Variants in DCP2 observed in about 807,000 individuals in gnomAD.
The protein encoded by DCP2 is m7GpppN-mRNA hydrolase.
In DCP2, 30 loss-of-function variants were observed where a neutral mutation model predicts 56.1. The observed-to-expected ratio is 0.53, with a 90% CI of 0.40 to 0.73. The LOEUF is 0.73. DCP2 is among the 30% of genes least tolerant of loss of function. The pLI is 0.00. For synonymous variants in DCP2, 197 were observed against 163.3 expected, an observed-to-expected ratio of 1.21 and a Z score of -1.57; for missense variants, 533 against 502.7, an observed-to-expected ratio of 1.06 and a Z score of -0.58.
Position 112,976,850 on chromosome 5 carries a change from C to T in DCP2, c.-84C>T, listed in dbSNP as rs1240346569. 6 of 1,453,934 alleles carry T rather than the reference C, an allele frequency of 4.1e-6. No individual in the cohort carries two copies. The African/African-American group carries it at 7.0e-5, about 17-fold the overall frequency. The allele number at this position is 1,453,934 out of a possible 1,614,324, so 90.1% of individuals were successfully genotyped here. A position where few individuals can be genotyped will look rare whatever the true frequency, so the allele number is the denominator to read the frequency against. On this transcript the variant is annotated 5_prime_UTR_variant, in exon 1 of 11. Transcript: ENST00000389063. ...GCGGCTTCCTCGGCTGCCAGCTCTCCGGCGAGCCGGAGTCCTAGTGCCGTA... is the reference window on the plus strand; with the variant it reads ...GCGGCTTCCTCGGCTGCCAGCTCTCTGGCGAGCCGGAGTCCTAGTGCCGTA...
intron 1 of DCP2, among the ~76,000 whole-genome samples, chr5:112,984,964 A>G (rs1181047978): frequency 2.6e-5 from 4 of 151,766 alleles, no homozygotes; most frequent in Non-Finnish European, 5.9e-5. Context: ...AGAATTATTT[A>G]CTATGATAGT....
intron 2 of DCP2, among the ~76,000 whole-genome samples, chr5:112,987,245 G>A (rs1748332027): frequency 6.6e-6 from 1 of 152,122 alleles, no homozygotes; most frequent in Non-Finnish European, 1.5e-5. Flanking sequence ...GGGAATATAG[G>A]ATTTTCTCAG....
chr5:113,013,334 C>G lies in DCP2; in HGVS notation c.1113C>G (p.Asp371Glu), dbSNP rs761214078. The change falls in exon 11 of 11, where the codon GAC becomes GAG. Residue 371 changes from aspartate to glutamate, a missense_variant. Around this residue, in one of 3 missense-constraint regions of DCP2, gnomAD observed 392 missense variants for 346.6 expected, o/e 1.13. Coordinates refer to ENST00000389063, the MANE Select transcript of DCP2 (RefSeq NM_152624.6). ...QDNFETDAVY[D>E]LPSSSEDQLL... Reference sequence around the variant, plus strand: ...TTCTTTAAACAGATGCTGTATATGACTTGCCTAGCTCCAGTGAAGACCAGT... The same window carrying G: ...TTCTTTAAACAGATGCTGTATATGAGTTGCCTAGCTCCAGTGAAGACCAGT... 2.5e-6 allele frequency: 4 copies of G among 1,613,824 alleles called. No individual in the cohort carries two copies. In the Admixed American group the frequency reaches 5.0e-5, roughly 20 times the overall value.
chr5:112,976,998 C>T lies in DCP2; in HGVS notation c.53+12C>T, dbSNP rs377381288. The T allele has an allele frequency of 6.6e-7, 1 of 1,526,080 alleles. No individual in the cohort carries two copies. The allele number at this position is 1,526,080 out of a possible 1,614,324, so 94.5% of individuals were successfully genotyped here. A position where few individuals can be genotyped will look rare whatever the true frequency, so the allele number is the denominator to read the frequency against. Reference sequence around the variant, plus strand: ...GACGATCTCTGCAGGTACCGCGCTACCCGACCCCCTTTCGCCCCCGTCGGG... The same window carrying T: ...GACGATCTCTGCAGGTACCGCGCTATCCGACCCCCTTTCGCCCCCGTCGGG... On this transcript the variant is annotated intron_variant, in intron 1 of 10. Coordinates refer to ENST00000389063, the MANE Select transcript of DCP2 (RefSeq NM_152624.6).
intron 4 of DCP2, among the ~76,000 whole-genome samples, chr5:112,999,334 G>GTT (rs200147708): frequency 2.7e-5 from 4 of 148,072 alleles, no homozygotes; most frequent in Non-Finnish European, 6.0e-5. Context: ...TTTTTCTGTT[G>GTT]TTTTTTTTTT....
rs549422650 is a variant in DCP2 at position 113,015,598 on chromosome 5, T to G, written c.*2114T>G. The stretch of plus-strand genomic sequence containing the variant: ...ATTTAATGCACTGTGGAACAAAATA[T>G]AAGGGTACTGTTGGGGTGTGATTAT... On this transcript the variant is annotated 3_prime_UTR_variant, in exon 11 of 11. Coordinates refer to ENST00000389063, the MANE Select transcript of DCP2 (RefSeq NM_152624.6). 1 of 152,764 alleles carries G rather than the reference T, an allele frequency of 6.5e-6. No individual in the cohort carries two copies. The highest frequency in any genetic ancestry group is 2.1e-4 in the South Asian group (1 of 4,822). The allele number at this position is 152,764 out of a possible 1,614,324, so 9.5% of individuals were successfully genotyped here. A position where few individuals can be genotyped will look rare whatever the true frequency, so the allele number is the denominator to read the frequency against.
rs1453826968 is a variant in DCP2, at chr5:113,015,761, C to G, written c.*2277C>G. On this transcript the variant is annotated 3_prime_UTR_variant, in exon 11 of 11. Transcript: ENST00000389063. ...TTGGATGTACTTGTTTTAGGTACATCTACTATACTTATTCTCTCAAACCTG... is the reference window on the plus strand; with the variant it reads ...TTGGATGTACTTGTTTTAGGTACATGTACTATACTTATTCTCTCAAACCTG... The G allele has an allele frequency of 6.6e-6, 1 of 152,640 alleles. No homozygotes were observed. Among genetic ancestry groups the G allele is most frequent in the East Asian group, 1.9e-4 (1 of 5,206 alleles). 9.5% of individuals were successfully genotyped at this position (152,640 alleles called of 1,614,324 possible).
At chr5:112,981,623 G>A (rs1748010041) in intron 1 of DCP2, among the ~76,000 whole-genome samples, 1 of 152,176 alleles carries the variant, frequency 6.6e-6, no homozygotes, top group Admixed American at 6.5e-5. Context: ...GGCATAGTCA[G>A]GAGCCCTTTG....
intron 1 of DCP2, among the ~76,000 whole-genome samples, chr5:112,977,245 T>C (rs1747755661): frequency 6.6e-6 from 1 of 152,156 alleles, no homozygotes. Flanking sequence ...CTCAACTATT[T>C]TGCTTTCCCG....
At chr5:112,991,703 G>A (rs1011964770) in intron 2 of DCP2, among the ~76,000 whole-genome samples, 2 of 152,006 alleles carry the variant, frequency 1.3e-5, no homozygotes, top group African/African-American at 4.8e-5. Flanking sequence ...CTTTATATAT[G>A]TAATTCTATT....
chr5:112,987,385 C>T (rs1323754410), intron 2 of DCP2, among the ~76,000 whole-genome samples: 1 of 152,120 alleles, frequency 6.6e-6, no homozygotes, highest in Non-Finnish European at 1.5e-5. Flanking sequence ...GTTGGAAAGT[C>T]ATATGAGGTG....
rs927120949 is a variant in DCP2, at chr5:113,021,722, A to G, written c.*8238A>G. On this transcript the variant is annotated 3_prime_UTR_variant, in exon 11 of 11. Coordinates refer to ENST00000389063, the MANE Select transcript of DCP2 (RefSeq NM_152624.6). ...ACTGTCAAAGTTACTTTGCTTCCAT[A>G]GTGAAAACTTGAGAACATTGTAATC... Among the ~76,000 whole-genome samples, 2 of 152,164 alleles carry G rather than the reference A, an allele frequency of 1.3e-5. No individual in the cohort carries two copies. Among genetic ancestry groups the G allele is most frequent in the African/African-American group, 4.8e-5 (2 of 41,404 alleles).
rs778820671 is a variant in DCP2, at chr5:113,004,041, T to G, written c.906T>G (p.Asn302Lys). 5.0e-6 allele frequency: 8 copies of G among 1,613,986 alleles called. No individual in the cohort carries two copies. The African/African-American group carries it at 1.1e-4, about 22-fold the overall frequency. Residue 302 changes from asparagine (N) to lysine (K), a missense_variant, in exon 8 of 11, where the codon AAT becomes AAG. Transcript: ENST00000389063. ...AACCACTGCAGCAAAAGCCATATAATAATCATTCTGAAATGTCTGACCTTT... is the reference window on the plus strand; with the variant it reads ...AACCACTGCAGCAAAAGCCATATAAGAATCATTCTGAAATGTCTGACCTTT... The part of the protein sequence containing the change: ...HRQPLQQKPY[N>K]NHSEMSDLLK...
At position 113,004,012 on chromosome 5, in the gene DCP2, A is replaced by G. The variant is rs945761944; in HGVS notation, c.877A>G (p.Arg293Gly). ...GSPGDQWVKH[R>G]QPLQQKPYNN... ...TCCTGGTGACCAGTGGGTAAAGCAC[A>G]GGCAACCACTGCAGCAAAAGCCATA... is the stretch of plus-strand genomic sequence containing the variant. Residue 293 changes from arginine (R) to glycine (G), a missense_variant, in exon 8 of 11, where the codon AGG becomes GGG. Around this residue, in one of 3 missense-constraint regions of DCP2, gnomAD observed 392 missense variants for 346.6 expected, o/e 1.13. Transcript: ENST00000389063. 6.2e-7 allele frequency: 1 copy of G among 1,614,174 alleles called. No individual in the cohort carries two copies. Among genetic ancestry groups the G allele is most frequent in the East Asian group, 2.2e-5 (1 of 44,874 alleles).
intron 1 of DCP2, among the ~76,000 whole-genome samples, chr5:112,983,578 G>T (rs893350577): frequency 6.6e-6 from 1 of 152,134 alleles, no homozygotes; most frequent in East Asian, 1.9e-4. Flanking sequence ...AGCACTGAAG[G>T]ATATGAGTTT....
intron 1 of DCP2, among the ~76,000 whole-genome samples, chr5:112,984,958 T>A (rs1352336477): frequency 2.6e-5 from 4 of 151,682 alleles, no homozygotes; most frequent in Admixed American, 2.6e-4. Flanking sequence ...CAGCCAAGAA[T>A]TATTTACTAT....
At chr5:113,002,046 G>A (rs1335021823) in intron 7 of DCP2, among the ~76,000 whole-genome samples, 2 of 152,190 alleles carry the variant, frequency 1.3e-5, no homozygotes, top group Non-Finnish European at 2.9e-5. Flanking sequence ...GATATGTTGA[G>A]GTTTGTTTTC....
At chr5:112,977,088 C>A (rs1359202545) in intron 1 of DCP2, 102 bp downstream of exon 1, 1 of 838,326 alleles carries the variant, frequency 1.2e-6, no homozygotes, top group Non-Finnish European at 1.8e-6. Context: ...TCCATGTCCT[C>A]GCTTTCCGCT....
chr5:113,005,145 C>T (rs115958247), intron 8 of DCP2, among the ~76,000 whole-genome samples: 27 of 5,572 alleles, frequency 4.8e-3, no homozygotes, highest in East Asian at 0.034. Flanking sequence ...AAAAAGTGTG[C>T]GTGTGGGTGT....
Sources: allele counts gnomAD v4.1 joint callset (sites outside exome capture counted in the v4.1 genomes callset), GRCh38; gene constraint gnomAD v4.1.1; regional missense constraint gnomAD v4.1.1; transcripts MANE v1.5; gene names NCBI Gene and HGNC (gene_info 2026-07-23, HGNC 2026-07-21).